RGS5: variants seen among roughly 807,000 people sequenced by gnomAD.
The protein encoded by RGS5 is regulator of G-protein signalling 5.
A neutral mutation model predicts 18.9 loss-of-function variants in RGS5; 20 were observed. That is an observed-to-expected ratio of 1.06 (90% CI 0.74 to 1.54). The LOEUF (loss-of-function observed/expected upper bound fraction) is 1.54, where lower values mean the gene tolerates loss of function less well. RGS5 is among the 40% of genes most tolerant of loss of function. RGS5 has a pLI of 0.00. For missense variants in RGS5, 201 were observed against 211.8 expected (o/e 0.95, Z 0.32); for synonymous variants, 57 against 76.2 (o/e 0.75, Z 1.31).
At chr1:163,302,139 T>C (rs1053836688) in intron 2 of RGS5, among the ~76,000 whole-genome samples, 31 of 152,172 alleles carry the variant, frequency 2.0e-4, no homozygotes, top group African/African-American at 7.5e-4. Context: ...TAAAATAAGA[T>C]ACTCTGAAGA....
At chr1:163,217,856 G>C (rs1174698160), upstream of RGS5, among the ~76,000 whole-genome samples, 2 of 152,152 alleles carry the variant, frequency 1.3e-5, no homozygotes, top group African/African-American at 4.8e-5. Flanking sequence ...TAAACTAACA[G>C]AGAGAAAATT....
intron 1 of RGS5, among the ~76,000 whole-genome samples, chr1:163,188,592 T>A (rs930361525): frequency 8.5e-5 from 13 of 152,170 alleles, no homozygotes; most frequent in Non-Finnish European, 1.6e-4. Context: ...AATGAGATAA[T>A]CACAGATGGT....
At chr1:163,161,156 G>T (rs991439170) in intron 3 of RGS5, among the ~76,000 whole-genome samples, 2 of 152,148 alleles carry the variant, frequency 1.3e-5, no homozygotes, top group Non-Finnish European at 2.9e-5. Flanking sequence ...ATGAGTAAAA[G>T]ATATTCCAGC....
chr1:163,306,335 A>G (rs531694927), intron 1 of RGS5: 1 of 152,368 alleles, frequency 6.6e-6, no homozygotes, highest in South Asian at 2.1e-4. Context: ...TGTTTCTAAG[A>G]AAAATAAAAT....
At chr1:163,150,807 C>T (rs1458613569) in intron 4 of RGS5, among the ~76,000 whole-genome samples, 1 of 152,194 alleles carries the variant, frequency 6.6e-6, no homozygotes, top group Non-Finnish European at 1.5e-5. Flanking sequence ...TTTGTCCATC[C>T]ACTCAAACAC....
chr1:163,304,235 C>T (rs540950328), intron 2 of RGS5: 2 of 152,196 alleles, frequency 1.3e-5, no homozygotes, highest in South Asian at 4.2e-4. Context: ...ATTTTTATTT[C>T]CTGCACTTCT....
intron 1 of RGS5, among the ~76,000 whole-genome samples, chr1:163,173,269 T>C (rs1658386789): frequency 6.6e-6 from 1 of 152,244 alleles, no homozygotes; most frequent in African/African-American, 2.4e-5. Context: ...AAAGAAAAAC[T>C]TGTTTTGAAA....
At chr1:163,283,206 T>C (rs925127028) in intron 2 of RGS5, among the ~76,000 whole-genome samples, 1 of 152,182 alleles carries the variant, frequency 6.6e-6, no homozygotes, top group Admixed American at 6.5e-5. Flanking sequence ...GAATAAGTTT[T>C]AGTGTTCTGT....
chr1:163,223,724 C>T (rs1647275647), intron 2 of RGS5, among the ~76,000 whole-genome samples: 1 of 152,100 alleles, frequency 6.6e-6, no homozygotes, highest in South Asian at 2.1e-4. Context: ...GGTTATATTC[C>T]ATACTCCTTG....
Position 163,161,914 on chromosome 1 carries a change from C to T in RGS5, c.217+1G>A. The T allele has an allele frequency of 6.2e-7, 1 of 1,612,182 alleles. No individual in the cohort carries two copies. Among genetic ancestry groups the T allele is most frequent in the Non-Finnish European group, 8.5e-7 (1 of 1,178,516 alleles). ...TAAAAAAACAAACAATGGAAACTTACAGTTGTTCTGCAGGAGTTTGTCCAG... is the reference window on the plus strand; with the variant it reads ...TAAAAAAACAAACAATGGAAACTTATAGTTGTTCTGCAGGAGTTTGTCCAG... On this transcript the variant is annotated splice_donor_variant, in intron 3 of 4. Transcript: ENST00000313961. LOFTEE classifies it high-confidence loss of function.
chr1:163,206,905 G>C (rs1212430701), upstream of RGS5: 1 of 151,906 alleles, frequency 6.6e-6, no homozygotes, highest in Non-Finnish European at 1.5e-5. Context: ...AGTAATTATT[G>C]GTATGTGTTT....
intron 1 of RGS5, among the ~76,000 whole-genome samples, chr1:163,189,808 GAAGAA>G (rs923295513): frequency 6.6e-6 from 1 of 152,170 alleles, no homozygotes; most frequent in African/African-American, 2.4e-5. Context: ...AGAGAGTAGA[GAAGAA>G]AAGTTTCCAG....
chr1:163,301,335 T>C (rs1280889753), intron 2 of RGS5, among the ~76,000 whole-genome samples: 2 of 127,394 alleles, frequency 1.6e-5, no homozygotes, highest in African/African-American at 2.7e-5. Context: ...TTATCCAGAA[T>C]GAGTCTTTTT....
At chr1:163,229,108 A>G (rs1434733816) in intron 2 of RGS5, among the ~76,000 whole-genome samples, 1 of 152,132 alleles carries the variant, frequency 6.6e-6, no homozygotes, top group Non-Finnish European at 1.5e-5. Flanking sequence ...GCCCCATTCT[A>G]TGGGTACCAA....
intron 2 of RGS5, among the ~76,000 whole-genome samples, chr1:163,284,498 T>C (rs1310069054): frequency 1.3e-5 from 2 of 152,174 alleles, no homozygotes; most frequent in African/African-American, 2.4e-5. Context: ...TCCACTGAGA[T>C]TACCAGCATA....
intron 2 of RGS5, among the ~76,000 whole-genome samples, chr1:163,254,857 T>C (rs1236038304): frequency 1.3e-5 from 2 of 150,274 alleles, no homozygotes; most frequent in Admixed American, 1.3e-4. Context: ...GTTTCAGCTT[T>C]CTACATATGG....
rs1656977235 is a variant in RGS5, at chr1:163,142,869, T to C, written c.*4473A>G. The C allele has an allele frequency of 6.6e-6, 1 of 152,184 alleles. No individual in the cohort carries two copies. Among genetic ancestry groups the C allele is most frequent in the African/African-American group, 2.4e-5 (1 of 41,446 alleles). 9.4% of individuals were successfully genotyped at this position (152,184 alleles called of 1,614,324 possible). A position where few individuals can be genotyped will look rare whatever the true frequency, so the allele number is the denominator to read the frequency against. ...GAACAAGTAACTTGCAAGAGGCTTATTAAACTGTATATAAATGTTGAAGAG... is the reference window on the plus strand; with the variant it reads ...GAACAAGTAACTTGCAAGAGGCTTACTAAACTGTATATAAATGTTGAAGAG... On this transcript the variant is annotated 3_prime_UTR_variant, in exon 5 of 5. Coordinates refer to ENST00000313961, the MANE Select transcript of RGS5 (RefSeq NM_003617.4).
intron 2 of RGS5, chr1:163,238,600 A>G: frequency 5.0e-6 from 1 of 200,576 alleles, no homozygotes; most frequent in Admixed American, 5.2e-5. Flanking sequence ...AAAGCTTTGT[A>G]AAAACTGCAG....
chr1:163,151,746 A>G (rs761862579), intron 4 of RGS5, among the ~76,000 whole-genome samples: 1 of 152,068 alleles, frequency 6.6e-6, no homozygotes, highest in Non-Finnish European at 1.5e-5. Context: ...AGTCAATTAA[A>G]CCTCTTTCCT....
Sources: gnomAD v4.1 joint callset for allele counts (sites outside exome capture counted in the v4.1 genomes callset) on GRCh38, gnomAD v4.1.1 for gene constraint, MANE v1.5 for transcripts, NCBI Gene and HGNC (gene_info 2026-07-23, HGNC 2026-07-21) for gene names.